Variants in PFDN1 observed in about 807,000 individuals in gnomAD.
PFDN1 encodes the protein prefoldin 1.
PFDN1 carries 6 observed loss-of-function variants against 17.3 expected under a neutral mutation model. The ratio of observed to expected loss-of-function variants is 0.35; its 90% CI spans 0.19 to 0.69. PFDN1 has a LOEUF of 0.69. Among genes scored for constraint, PFDN1 ranks in the 30% least tolerant of loss-of-function variants. PFDN1 has a pLI of 0.65. For synonymous variants in PFDN1, 58 were observed against 50.1 expected (o/e 1.16, Z -0.67); for missense variants, 113 against 146.2 (o/e 0.77, Z 1.17).
At position 140,245,191 on chromosome 5, in the gene PFDN1, C is replaced by T. The variant is rs1764809430; in HGVS notation, c.*783G>A. 2 of 315,792 alleles carry T rather than the reference C, an allele frequency of 6.3e-6. No individual in the cohort carries two copies. The highest frequency in any genetic ancestry group is 1.2e-5 in the Non-Finnish European group (2 of 173,464). The allele number at this position is 315,792 out of a possible 1,614,324, so 19.6% of individuals were successfully genotyped here. ...ATTCTTGAAAATTGAATAATTGGCC[C>T]ACCTGGGCTGGGATGAGCCAGCTGG... On this transcript the variant is annotated 3_prime_UTR_variant, in exon 4 of 4. Coordinates refer to ENST00000261813, the MANE Select transcript of PFDN1 (RefSeq NM_002622.5).
At chr5:140,261,728 T>C (rs372659810) in intron 3 of PFDN1, among the ~76,000 whole-genome samples, 9 of 152,234 alleles carry the variant, frequency 5.9e-5, no homozygotes, top group South Asian at 2.1e-4. Flanking sequence ...AGGAAATTCA[T>C]AGTGACACCT....
chr5:140,250,247 C>T (rs1256966914), intron 3 of PFDN1, among the ~76,000 whole-genome samples: 1 of 152,168 alleles, frequency 6.6e-6, no homozygotes, highest in Non-Finnish European at 1.5e-5. Context: ...TCCGACCTCA[C>T]CTCCAACAAC....
At chr5:140,249,375 T>C (rs148700455) in intron 3 of PFDN1, among the ~76,000 whole-genome samples, 1 of 152,176 alleles carries the variant, frequency 6.6e-6, no homozygotes, top group African/African-American at 2.4e-5. Flanking sequence ...ATACCTGAAA[T>C]GAGGGATGCC....
At chr5:140,250,865 C>T (rs1049593610) in intron 3 of PFDN1, among the ~76,000 whole-genome samples, 1 of 152,234 alleles carries the variant, frequency 6.6e-6, no homozygotes, top group Non-Finnish European at 1.5e-5. Context: ...CAACCTATCA[C>T]TACAAACAAT....
chr5:140,290,945 G>A (rs771215253), intron 2 of PFDN1, among the ~76,000 whole-genome samples: 3 of 152,206 alleles, frequency 2.0e-5, no homozygotes, highest in Non-Finnish European at 4.4e-5. Flanking sequence ...CCAACAAGGG[G>A]CAAATAAGTG....
At chr5:140,255,304 T>G (rs1225357983) in intron 3 of PFDN1, among the ~76,000 whole-genome samples, 2 of 152,188 alleles carry the variant, frequency 1.3e-5, no homozygotes, top group Non-Finnish European at 2.9e-5. Flanking sequence ...TACTGTGTTT[T>G]TAAAGGAATC....
intron 2 of PFDN1, among the ~76,000 whole-genome samples, chr5:140,295,132 G>T (rs1028820125): frequency 6.6e-6 from 1 of 151,900 alleles, no homozygotes; most frequent in African/African-American, 2.4e-5. Context: ...AGCAAAAAGG[G>T]TGTTCAAATA....
intron 3 of PFDN1, among the ~76,000 whole-genome samples, chr5:140,269,319 CTT>C (rs755675601): frequency 6.5e-5 from 9 of 139,428 alleles, no homozygotes; most frequent in Non-Finnish European, 7.9e-5. Context: ...AGCCTTATAA[CTT>C]TTTTTTTTTT....
intron 3 of PFDN1, among the ~76,000 whole-genome samples, chr5:140,247,627 G>C (rs533738395): frequency 6.6e-6 from 1 of 152,250 alleles, no homozygotes; most frequent in East Asian, 1.9e-4. Flanking sequence ...GAATTCCTTG[G>C]AACACAACAG....
intron 3 of PFDN1, among the ~76,000 whole-genome samples, chr5:140,247,118 C>G (rs1351624259): frequency 6.6e-6 from 1 of 152,170 alleles, no homozygotes; most frequent in African/African-American, 2.4e-5. Context: ...AGTGAGCTCT[C>G]TGTCCAATTA....
chr5:140,253,281 C>G (rs966188803), intron 3 of PFDN1, among the ~76,000 whole-genome samples: 2 of 152,176 alleles, frequency 1.3e-5, no homozygotes, highest in African/African-American at 2.4e-5. Flanking sequence ...TACCTGCCGA[C>G]AGACTGACAC....
chr5:140,257,146 C>G (rs2126680352), intron 3 of PFDN1, among the ~76,000 whole-genome samples: 1 of 151,882 alleles, frequency 6.6e-6, no homozygotes, highest in South Asian at 2.1e-4. Context: ...TCGCTTGAGC[C>G]CGGGAGGTGG....
At chr5:140,282,773 T>C (rs907232590) in intron 2 of PFDN1, among the ~76,000 whole-genome samples, 29 of 152,206 alleles carry the variant, frequency 1.9e-4, no homozygotes, top group Non-Finnish European at 2.9e-4. Flanking sequence ...AACTGAAATA[T>C]TTCCCCTCCA....
chr5:140,249,344 A>C (rs1290773974), intron 3 of PFDN1, among the ~76,000 whole-genome samples: 4 of 151,892 alleles, frequency 2.6e-5, no homozygotes, highest in African/African-American at 9.7e-5. Flanking sequence ...CAAGTAGAAA[A>C]CCAAGTAGAA....
At chr5:140,300,372 A>T (rs1423391976) in intron 2 of PFDN1, 44 bp downstream of exon 2, 2 of 1,419,576 alleles carry the variant, frequency 1.4e-6, no homozygotes, top group Admixed American at 3.6e-5. Context: ...AACTCGGACA[A>T]AAGCACTCCC....
At chr5:140,260,149 G>A (rs543806200) in intron 3 of PFDN1, among the ~76,000 whole-genome samples, 18 of 151,856 alleles carry the variant, frequency 1.2e-4, no homozygotes, top group South Asian at 2.1e-4. Context: ...ACCAGCCTGG[G>A]CAACATAGCA....
At chr5:140,280,777 T>C (rs1006259769) in intron 3 of PFDN1, among the ~76,000 whole-genome samples, 1 of 152,194 alleles carries the variant, frequency 6.6e-6, no homozygotes, top group African/African-American at 2.4e-5. Flanking sequence ...ACTTTTACTA[T>C]ACACAGGATG....
intron 3 of PFDN1, among the ~76,000 whole-genome samples, chr5:140,271,796 T>G (rs930383650): frequency 1.3e-5 from 2 of 151,758 alleles, no homozygotes; most frequent in African/African-American, 4.8e-5. Context: ...CAACTCACAA[T>G]CTCAAGAGAT....
At position 140,300,333 on chromosome 5, in the gene PFDN1, C is replaced by G. The variant is rs536097671; in HGVS notation, c.200+83G>C. Reference sequence around the variant, plus strand: ...CATGAGCCACCACTCCTGGCCTAACCCAAGTTTTAAGATGAACAAATTCTA... The same window carrying G: ...CATGAGCCACCACTCCTGGCCTAACGCAAGTTTTAAGATGAACAAATTCTA... On this transcript the variant is annotated intron_variant, in intron 2 of 3. Coordinates refer to ENST00000261813, the MANE Select transcript of PFDN1 (RefSeq NM_002622.5). 6 of 1,124,186 alleles carry G rather than the reference C, an allele frequency of 5.3e-6. No homozygotes were observed. The East Asian group carries it at 1.4e-4, about 27-fold the overall frequency. 69.6% of individuals were successfully genotyped at this position (1,124,186 alleles called of 1,614,324 possible). A position where few individuals can be genotyped will look rare whatever the true frequency, so the allele number is the denominator to read the frequency against.
Sources: gnomAD v4.1 joint callset for allele counts (sites outside exome capture counted in the v4.1 genomes callset) on GRCh38, gnomAD v4.1.1 for gene constraint, MANE v1.5 for transcripts, NCBI Gene and HGNC (gene_info 2026-07-23, HGNC 2026-07-21) for gene names.